The following KYAT3 variants were observed in gnomAD, a reference collection of about 807,000 sequenced individuals.
The protein encoded by KYAT3 is kynurenine--oxoglutarate transaminase 3.
Under a neutral mutation model 59.0 loss-of-function variants are expected in KYAT3, and 50 were observed. That is an observed-to-expected ratio of 0.85 (90% CI 0.68 to 1.07). The LOEUF (loss-of-function observed/expected upper bound fraction) is 1.07, where lower values mean the gene tolerates loss of function less well. Among genes scored for constraint, KYAT3 ranks in the 50% least tolerant of loss-of-function variants. The pLI is 0.00. For missense variants in KYAT3, 497 were observed against 533.3 expected (o/e 0.93, Z 0.67); for synonymous variants, 148 against 177.0 (o/e 0.84, Z 1.30).
the KYAT3 span, among the ~76,000 whole-genome samples, chr1:88,928,264 C>T: frequency 5.9e-5 from 9 of 152,074 alleles, no homozygotes; most frequent in South Asian, 1.9e-3. Context: ...CAGCTGCAGA[C>T]ATTAGAAAAA....
At chr1:88,987,151 T>C (rs1371580434) in intron 2 of KYAT3, among the ~76,000 whole-genome samples, 1 of 152,214 alleles carries the variant, frequency 6.6e-6, no homozygotes, top group Non-Finnish European at 1.5e-5. Flanking sequence ...ATTCCAGATA[T>C]GTAGAATTAG....
intron 2 of KYAT3, among the ~76,000 whole-genome samples, chr1:88,985,888 A>G (rs1305942096): frequency 6.6e-6 from 1 of 152,192 alleles, no homozygotes; most frequent in Admixed American, 6.5e-5. Context: ...TCACATCAAA[A>G]GAGAGGGTTG....
chr1:88,991,820 C>A (rs1184636755), intron 1 of KYAT3, among the ~76,000 whole-genome samples: 3 of 152,244 alleles, frequency 2.0e-5, no homozygotes, highest in Non-Finnish European at 4.4e-5. Context: ...GCCCCAGTCC[C>A]CCTCAGGTGG....
chr1:88,988,113 G>A (rs1430236898), intron 2 of KYAT3, 139 bp downstream of exon 2: 3 of 583,388 alleles, frequency 5.1e-6, no homozygotes, highest in Non-Finnish European at 6.1e-6. Context: ...TCTAGTCAAT[G>A]ACAAGAGACA....
the KYAT3 span, among the ~76,000 whole-genome samples, chr1:88,925,714 ACAG>A: frequency 2.7e-5 from 4 of 150,776 alleles, no homozygotes; most frequent in Non-Finnish European, 5.9e-5. Flanking sequence ...TGGAGGAGAG[ACAG>A]AGGAGAGAGA....
At chr1:88,982,598 C>T (rs1210759062) in intron 2 of KYAT3, 3 of 1,536,032 alleles carry the variant, frequency 2.0e-6, no homozygotes, top group Non-Finnish European at 1.7e-6. Flanking sequence ...AGAATAGTTT[C>T]CACTCTTTTT....
At chr1:88,961,089 T>C in intron 8 of KYAT3, 78 bp downstream of exon 8, 1 of 1,480,272 alleles carries the variant, frequency 6.8e-7, no homozygotes, top group Non-Finnish European at 9.4e-7. Flanking sequence ...TTAGAGTTGG[T>C]CTGGGATGCT....
At chr1:88,923,752 C>A in the KYAT3 span, 1 of 288,966 alleles carries the variant, frequency 3.5e-6, no homozygotes, top group South Asian at 3.3e-5. Flanking sequence ...CATCTGTCTG[C>A]CAGTGCCTGT....
intron 2 of KYAT3, among the ~76,000 whole-genome samples, chr1:88,974,703 A>T (rs934084423): frequency 1.3e-5 from 2 of 151,966 alleles, no homozygotes; most frequent in South Asian, 4.2e-4. Flanking sequence ...CTCTGTGTCT[A>T]GCTAAAGGAT....
At chr1:88,924,904 C>T in the KYAT3 span, among the ~76,000 whole-genome samples, 1 of 152,116 alleles carries the variant, frequency 6.6e-6, no homozygotes, top group Non-Finnish European at 1.5e-5. Context: ...ACCGCATGGC[C>T]CAAGATTCCA....
intron 6 of KYAT3, 133 bp from the exon 7 acceptor site, chr1:88,961,639 T>C: frequency 1.3e-6 from 1 of 741,988 alleles, no homozygotes. Context: ...TACCAACAAA[T>C]GCTTTCCTGC....
intron 2 of KYAT3, chr1:88,983,420 A>G: frequency 6.2e-7 from 1 of 1,614,168 alleles, no homozygotes; most frequent in Non-Finnish European, 8.5e-7. Context: ...GTTAAAATTC[A>G]TGGAATATCC....
the KYAT3 span, among the ~76,000 whole-genome samples, chr1:88,929,777 C>T: frequency 1.3e-5 from 2 of 152,154 alleles, no homozygotes; most frequent in African/African-American, 2.4e-5. Context: ...CAGTGAGAAA[C>T]GTATCCAGCC....
downstream of KYAT3, among the ~76,000 whole-genome samples, chr1:88,934,983 G>T (rs977862987): frequency 1.2e-4 from 17 of 145,052 alleles, no homozygotes; most frequent in Non-Finnish European, 2.3e-4. Flanking sequence ...TAAGTTTAAA[G>T]AAGTGATTTT....
chr1:88,956,115 C>T (rs1047782475), intron 8 of KYAT3, among the ~76,000 whole-genome samples: 2 of 152,174 alleles, frequency 1.3e-5, no homozygotes, highest in Non-Finnish European at 2.9e-5. Context: ...CCGTAAGGAA[C>T]ATCACAGCCT....
intron 8 of KYAT3, among the ~76,000 whole-genome samples, chr1:88,957,003 C>T (rs1675949148): frequency 2.0e-5 from 3 of 152,290 alleles, no homozygotes; most frequent in Middle Eastern, 3.4e-3. Context: ...ATGCTCATCT[C>T]TGGGAATCTA....
At chr1:88,936,898 T>C (rs571609993) in intron 13 of KYAT3, among the ~76,000 whole-genome samples, 7 of 152,252 alleles carry the variant, frequency 4.6e-5, no homozygotes, top group Non-Finnish European at 1.0e-4. Flanking sequence ...AGCCAATAGG[T>C]GAGGCTGAGC....
chr1:88,930,714 A>C, the KYAT3 span, among the ~76,000 whole-genome samples: 2 of 152,214 alleles, frequency 1.3e-5, no homozygotes, highest in Non-Finnish European at 2.9e-5. Context: ...CTAGTCCTCC[A>C]TGCCCATGCA....
chr1:88,991,243 G>A (rs1274904586), intron 1 of KYAT3, among the ~76,000 whole-genome samples: 1 of 152,178 alleles, frequency 6.6e-6, no homozygotes, highest in Non-Finnish European at 1.5e-5. Context: ...AGACAAGCCC[G>A]TCAAAATAAA....
Sources: allele counts gnomAD v4.1 joint callset (sites outside exome capture counted in the v4.1 genomes callset), GRCh38; gene constraint gnomAD v4.1.1; transcripts MANE v1.5; gene names NCBI Gene and HGNC (gene_info 2026-07-23, HGNC 2026-07-21).